EYS: variants seen among roughly 807,000 people sequenced by gnomAD.
The protein encoded by EYS is protein eyes shut homolog.
A neutral mutation model predicts 282.1 loss-of-function variants in EYS; 250 were observed. The ratio of observed to expected loss-of-function variants is 0.89; its 90% CI spans 0.80 to 0.98. The LOEUF (loss-of-function observed/expected upper bound fraction) is 0.98, where lower values mean the gene tolerates loss of function less well. Among genes scored for constraint, EYS ranks in the 50% least tolerant of loss-of-function variants. The pLI is 0.00. For synonymous variants in EYS, 1,355 were observed against 1,282.9 expected (o/e 1.06, Z -1.20); for missense variants, 4,016 against 3,709.0 (o/e 1.08, Z -2.15).
At chr6:65,229,878 A>G (rs904680379) in intron 12 of EYS, among the ~76,000 whole-genome samples, 9 of 151,958 alleles carry the variant, frequency 5.9e-5, no homozygotes, top group African/African-American at 2.2e-4. Flanking sequence ...AGTTTTGTGT[A>G]ATTGCCCAGT....
At chr6:65,664,299 A>G (rs189639845) in intron 1 of EYS, among the ~76,000 whole-genome samples, 261 of 152,300 alleles carry the variant, frequency 1.7e-3, no homozygotes, top group Non-Finnish European at 3.0e-3. Context: ...ATGCACACAG[A>G]AGAAAGGGCA....
intron 30 of EYS, among the ~76,000 whole-genome samples, chr6:64,301,270 T>C (rs1009565959): frequency 6.6e-6 from 1 of 152,194 alleles, no homozygotes; most frequent in African/African-American, 2.4e-5. Context: ...TACTGATAGG[T>C]TGCAAAATCT....
At chr6:64,650,762 GA>G (rs1768527553) in intron 22 of EYS, among the ~76,000 whole-genome samples, 1 of 151,840 alleles carries the variant, frequency 6.6e-6, no homozygotes, top group South Asian at 2.1e-4. Context: ...TCAGAACATA[GA>G]AAAAAGGTGC....
chr6:64,010,423 G>A (rs1185391317), intron 33 of EYS, among the ~76,000 whole-genome samples: 1 of 151,816 alleles, frequency 6.6e-6, no homozygotes, highest in African/African-American at 2.4e-5. Flanking sequence ...TGGAGAGAAG[G>A]GGGACAGGGC....
intron 5 of EYS, among the ~76,000 whole-genome samples, chr6:65,484,271 T>C (rs1765710659): frequency 6.6e-6 from 1 of 152,160 alleles, no homozygotes; most frequent in Admixed American, 6.5e-5. Context: ...TCTCCAAATA[T>C]TAAAATGCCA....
intron 29 of EYS, among the ~76,000 whole-genome samples, chr6:64,387,817 CA>C (rs1271509731): frequency 1.3e-5 from 2 of 152,034 alleles, no homozygotes; most frequent in Non-Finnish European, 2.9e-5. Context: ...TCCTTAAAGG[CA>C]TATGTATCAC....
chr6:65,466,164 T>C (rs533996774), intron 5 of EYS, among the ~76,000 whole-genome samples: 18 of 152,204 alleles, frequency 1.2e-4, no homozygotes, highest in Non-Finnish European at 2.5e-4. Flanking sequence ...TATTATAATG[T>C]ATATATGATT....
intron 22 of EYS, among the ~76,000 whole-genome samples, chr6:64,720,891 A>T (rs552373854): frequency 6.6e-6 from 1 of 152,220 alleles, no homozygotes; most frequent in Non-Finnish European, 1.5e-5. Context: ...ATGTGCAAAC[A>T]TCTGCATTTT....
chr6:64,996,112 T>G (rs1270047028), intron 14 of EYS, among the ~76,000 whole-genome samples: 1 of 152,046 alleles, frequency 6.6e-6, no homozygotes, highest in Non-Finnish European at 1.5e-5. Context: ...GAACTCTGAC[T>G]TCAGTAATAT....
At chr6:64,737,390 A>G (rs1047091050) in intron 22 of EYS, among the ~76,000 whole-genome samples, 1 of 152,194 alleles carries the variant, frequency 6.6e-6, no homozygotes, top group Non-Finnish European at 1.5e-5. Context: ...TCCATTTTAA[A>G]CCAAATGCAA....
Position 64,296,573 on chromosome 6 carries a change from TATATATATATACATA to T in EYS, c.6191+10382_6191+10396del, listed in dbSNP as rs1769012827. 1.3e-3 allele frequency among the ~76,000 whole-genome samples: 10 copies of T among 7,930 alleles called. 1 individual carries two copies. Among genetic ancestry groups the T allele is most frequent in the African/African-American group, 3.7e-3 (8 of 2,186 alleles). 5.2% of individuals were successfully genotyped at this position (7,930 alleles called of 152,430 possible). A position where few individuals can be genotyped will look rare whatever the true frequency, so the allele number is the denominator to read the frequency against. On this transcript the variant is annotated intron_variant, in intron 30 of 42. Transcript: ENST00000503581. Reference sequence around the variant, plus strand: ...ATATATATATATATATATATATATATATATATATATACATATATATATATATTTTTTTTTTTTTTT... The same window carrying T: ...ATATATATATATATATATATATATATTATATATATATTTTTTTTTTTTTTT...
intron 30 of EYS, among the ~76,000 whole-genome samples, chr6:64,295,160 G>T (rs1208547196): frequency 6.6e-6 from 1 of 150,946 alleles, no homozygotes; most frequent in Non-Finnish European, 1.5e-5. Flanking sequence ...GGATCACGAG[G>T]TCAGGAGATC....
chr6:64,583,659 G>A (rs942982530), intron 26 of EYS, among the ~76,000 whole-genome samples: 5 of 152,090 alleles, frequency 3.3e-5, no homozygotes, highest in African/African-American at 1.2e-4. Flanking sequence ...GCCAGGCGTG[G>A]TGACAGATGC....
intron 36 of EYS, among the ~76,000 whole-genome samples, chr6:63,834,776 A>G (rs1297317693): frequency 6.6e-6 from 1 of 151,950 alleles, no homozygotes; most frequent in African/African-American, 2.4e-5. Flanking sequence ...GGCACTATTC[A>G]CAATAGCAAA....
chr6:64,086,938 G>T (rs911229015), intron 31 of EYS, among the ~76,000 whole-genome samples: 1 of 152,112 alleles, frequency 6.6e-6, no homozygotes, highest in African/African-American at 2.4e-5. Flanking sequence ...ATGCTGAACT[G>T]CACATGCATC....
chr6:65,307,372 T>C (rs918721173), intron 11 of EYS, among the ~76,000 whole-genome samples: 32 of 152,158 alleles, frequency 2.1e-4, no homozygotes, highest in Admixed American at 1.5e-3. Flanking sequence ...AAAGCCATGT[T>C]GGTTCTAGGG....
chr6:65,618,796 T>G (rs534493609), intron 2 of EYS, among the ~76,000 whole-genome samples: 64 of 152,302 alleles, frequency 4.2e-4, no homozygotes, highest in African/African-American at 1.5e-3. Context: ...CCAGCACCAT[T>G]TATTAAATAG....
chr6:64,441,176 C>A (rs992522289), intron 26 of EYS, among the ~76,000 whole-genome samples: 1 of 152,056 alleles, frequency 6.6e-6, no homozygotes, highest in African/African-American at 2.4e-5. Flanking sequence ...AGTGACTGAC[C>A]ATCCATATCA....
intron 31 of EYS, among the ~76,000 whole-genome samples, chr6:64,227,315 C>T (rs116255568): frequency 0.025 from 3,860 of 151,862 alleles, 72 homozygotes; most frequent in African/African-American, 0.033. Context: ...TTTGGTTTGA[C>T]GATTTTTGAA....
Sources: gnomAD v4.1 joint callset for allele counts (sites outside exome capture counted in the v4.1 genomes callset) on GRCh38, gnomAD v4.1.1 for gene constraint, MANE v1.5 for transcripts, NCBI Gene and HGNC (gene_info 2026-07-23, HGNC 2026-07-21) for gene names.